The following CUBN variants were observed in gnomAD, a reference collection of about 807,000 sequenced individuals.
CUBN encodes 460 kDa receptor.
In CUBN, 282 loss-of-function variants were observed where a neutral mutation model predicts 405.3. The observed-to-expected ratio is 0.70, with a 90% CI of 0.63 to 0.77. The LOEUF (loss-of-function observed/expected upper bound fraction) is 0.77, where lower values mean the gene tolerates loss of function less well. CUBN is among the 30% of genes least tolerant of loss of function. CUBN has a pLI of 0.00. For synonymous variants in CUBN, 1,684 were observed against 1,617.0 expected, an observed-to-expected ratio of 1.04 and a Z score of -0.99; for missense variants, 4,514 against 4,475.2, an observed-to-expected ratio of 1.01 and a Z score of -0.25.
At chr10:17,009,624 CG>C (rs34643831) in intron 28 of CUBN, among the ~76,000 whole-genome samples, 35,879 of 152,116 alleles carry the variant, frequency 0.24, 4,784 homozygotes, top group Non-Finnish European at 0.3. Context: ...CCTGACTGTA[CG>C]GATGAATCAC....
intron 28 of CUBN, among the ~76,000 whole-genome samples, chr10:17,019,510 G>T (rs1834436070): frequency 6.6e-6 from 1 of 151,966 alleles, no homozygotes; most frequent in East Asian, 1.9e-4. Context: ...ACCCCAACTT[G>T]CAGTTAGCTT....
intron 56 of CUBN, among the ~76,000 whole-genome samples, chr10:16,878,245 G>A (rs761166890): frequency 5.3e-5 from 8 of 152,034 alleles, no homozygotes; most frequent in Non-Finnish European, 1.0e-4. Flanking sequence ...CTGAGATCGC[G>A]CCACTTCACT....
chr10:16,875,429 A>G (rs1840469674), intron 57 of CUBN, among the ~76,000 whole-genome samples: 1 of 152,212 alleles, frequency 6.6e-6, no homozygotes, highest in Admixed American at 6.5e-5. Context: ...TTTATACACT[A>G]TCAGTGGACA....
chr10:16,957,241 T>C (rs1396526951), intron 31 of CUBN, among the ~76,000 whole-genome samples: 3 of 152,204 alleles, frequency 2.0e-5, no homozygotes, highest in Non-Finnish European at 4.4e-5. Flanking sequence ...CCTGTACTTG[T>C]GCGAGATCAG....
rs115242977 is a variant in CUBN, at chr10:16,890,745, G to A, written c.8599-218C>T. Reference sequence around the variant, plus strand: ...TTCTTGACTTCTCTAAGGAGATGGTGTTCCTTTTTGCATAGCTGGGTGGTG... The same window carrying A: ...TTCTTGACTTCTCTAAGGAGATGGTATTCCTTTTTGCATAGCTGGGTGGTG... On this transcript the variant is annotated intron_variant, in intron 54 of 66. Coordinates refer to ENST00000377833, the MANE Select transcript of CUBN (RefSeq NM_001081.4). Among the ~76,000 whole-genome samples, 931 of 152,286 alleles carry A rather than the reference G, an allele frequency of 6.1e-3. 11 individuals are homozygous for A. Among genetic ancestry groups the A allele is most frequent in the African/African-American group, 0.022 (896 of 41,560 alleles).
chr10:16,870,048 TTACAA>T (rs1352671445), intron 58 of CUBN, among the ~76,000 whole-genome samples, 195 bp from the exon 59 acceptor site: 13 of 152,190 alleles, frequency 8.5e-5, no homozygotes, highest in Non-Finnish European at 7.3e-5. Context: ...TTTTTAGTAA[TTACAA>T]TACAACAAAA....
At chr10:17,103,830 G>T (rs7921322) in intron 12 of CUBN, among the ~76,000 whole-genome samples, 2 of 152,086 alleles carry the variant, frequency 1.3e-5, no homozygotes, top group South Asian at 4.1e-4. Flanking sequence ...TGTGTGAGGA[G>T]GTTTATCGGG....
At chr10:16,883,033 GGAAGGAAGGAAAAA>G (rs1840707720) in intron 56 of CUBN, among the ~76,000 whole-genome samples, 1 of 146,612 alleles carries the variant, frequency 6.8e-6, no homozygotes, top group South Asian at 2.2e-4. Context: ...AGAAAAGAAA[GGAAGGAAGGAAAAA>G]GAAGGAAGGA....
intron 31 of CUBN, chr10:16,966,084 C>G (rs1306187257): frequency 9.0e-6 from 4 of 443,212 alleles, no homozygotes; most frequent in Non-Finnish European, 1.9e-5. Context: ...AAGAAAACCA[C>G]AGCAGCTCTG....
Position 16,913,909 on chromosome 10 carries a change from C to G in CUBN, c.7435G>C (p.Glu2479Gln), listed in dbSNP as rs145799931. 31 of 1,613,956 alleles carry G rather than the reference C, an allele frequency of 1.9e-5. No homozygotes were observed. The highest frequency in any genetic ancestry group is 5.3e-5 in the African/African-American group (4 of 74,896). ...PNPNPHGRICEWRITAPEGRR... is the reference protein window; with the variant it reads ...PNPNPHGRICQWRITAPEGRR... ...CCCTCCGGGGCAGTGATTCTCCACTCGCAGATCCGGCCATGAGGATTTGGG... is the reference window on the plus strand; with the variant it reads ...CCCTCCGGGGCAGTGATTCTCCACTGGCAGATCCGGCCATGAGGATTTGGG... Residue 2479 changes from glutamate (E) to glutamine (Q), a missense_variant, in exon 48 of 67, where the codon GAG becomes CAG. Glu to Gln is a conservative substitution (Grantham distance 29). This residue lies in a region of CUBN where 1,613 missense variants were observed against 1,542.8 expected (regional missense o/e 1.05). Coordinates refer to ENST00000377833, the MANE Select transcript of CUBN (RefSeq NM_001081.4).
intron 4 of CUBN, 42 bp downstream of exon 4, chr10:17,126,719 T>C (rs1837199646): frequency 6.3e-7 from 1 of 1,597,902 alleles, no homozygotes; most frequent in South Asian, 1.1e-5. Context: ...TTCTAGTATG[T>C]TTTCTGTGAA....
intron 55 of CUBN, 149 bp from the exon 56 acceptor site, chr10:16,888,715 G>C: frequency 1.4e-6 from 1 of 723,214 alleles, no homozygotes; most frequent in Non-Finnish European, 2.4e-6. Context: ...AGAGAATAAA[G>C]CTCTGATTTA....
At position 16,871,015 on chromosome 10, in the gene CUBN, A is replaced by T. The variant is rs562059879; in HGVS notation, c.9237-1162T>A. On this transcript the variant is annotated intron_variant, in intron 58 of 66. Coordinates refer to ENST00000377833, the MANE Select transcript of CUBN (RefSeq NM_001081.4). ...TATTTGATATCCTGTCCTCATTTTT[A>T]TAGGTTCTTCTGCTTTTTCTTTTTT... is the stretch of plus-strand genomic sequence containing the variant. Among the ~76,000 whole-genome samples the T allele has an allele frequency of 2.6e-5, 4 of 151,116 alleles. No homozygotes were observed. In the South Asian group the frequency reaches 8.4e-4, roughly 32 times the overall value.
intron 34 of CUBN, 110 bp from the exon 35 acceptor site, chr10:16,948,716 A>T (rs1313424261): frequency 2.0e-5 from 28 of 1,393,490 alleles, no homozygotes; most frequent in Non-Finnish European, 2.4e-5. Context: ...CAAAGTGAAG[A>T]AATTGCCACT....
At chr10:16,826,723 T>C (rs1838795489) in intron 66 of CUBN, among the ~76,000 whole-genome samples, 1 of 152,208 alleles carries the variant, frequency 6.6e-6, no homozygotes, top group African/African-American at 2.4e-5. Context: ...TAAATGGCCG[T>C]CACTTCTCTC....
At chr10:16,830,856 G>A (rs1272285829) in intron 65 of CUBN, among the ~76,000 whole-genome samples, 1 of 152,174 alleles carries the variant, frequency 6.6e-6, no homozygotes, top group East Asian at 1.9e-4. Context: ...AGCACTTTGG[G>A]AGGTTGGATC....
At chr10:16,871,910 C>T (rs76930145) in intron 58 of CUBN, among the ~76,000 whole-genome samples, 1,791 of 152,108 alleles carry the variant, frequency 0.012, 26 homozygotes, top group African/African-American at 0.04. Context: ...GCTCTTAGTG[C>T]GCAATAAATA....
intron 7 of CUBN, 95 bp downstream of exon 7, chr10:17,115,376 G>A: frequency 1.3e-6 from 2 of 1,521,060 alleles, no homozygotes; most frequent in Non-Finnish European, 9.1e-7. Context: ...ACCTCTGTAA[G>A]CTCCAGGTAG....
At chr10:17,052,050 G>GA (rs972311321) in intron 22 of CUBN, among the ~76,000 whole-genome samples, 4 of 120,058 alleles carry the variant, frequency 3.3e-5, no homozygotes, top group African/African-American at 1.9e-4. Flanking sequence ...CAGTTGGGGC[G>GA]GGGGGGAAGC....
Sources: allele counts gnomAD v4.1 joint callset (sites outside exome capture counted in the v4.1 genomes callset), GRCh38; gene constraint gnomAD v4.1.1; regional missense constraint gnomAD v4.1.1; transcripts MANE v1.5; gene names NCBI Gene and HGNC (gene_info 2026-07-23, HGNC 2026-07-21).